The following ADAMTS12 variants were observed in gnomAD, a reference collection of about 807,000 sequenced individuals.
ADAMTS12 encodes A disintegrin and metalloproteinase with thrombospondin motifs 12.
A neutral mutation model predicts 167.8 loss-of-function variants in ADAMTS12; 118 were observed. The ratio of observed to expected loss-of-function variants is 0.70; its 90% CI spans 0.61 to 0.82. ADAMTS12 has a LOEUF of 0.82. Among genes scored for constraint, ADAMTS12 ranks in the 40% least tolerant of loss-of-function variants. ADAMTS12 has a pLI of 0.00. For missense variants in ADAMTS12, 1,916 were observed against 1,998.8 expected (o/e 0.96, Z 0.79); for synonymous variants, 704 against 716.9 (o/e 0.98, Z 0.29).
chr5:33,639,609 C>T (rs1200734696), intron 11 of ADAMTS12, among the ~76,000 whole-genome samples: 2 of 152,156 alleles, frequency 1.3e-5, no homozygotes, highest in African/African-American at 4.8e-5. Flanking sequence ...TAGAACAGCT[C>T]CCCAAAGGAC....
intron 17 of ADAMTS12, among the ~76,000 whole-genome samples, chr5:33,589,479 G>A (rs1747531388): frequency 6.6e-6 from 1 of 151,990 alleles, no homozygotes; most frequent in Non-Finnish European, 1.5e-5. Context: ...GATAAGAAAT[G>A]AGTAGAAAAA....
At chr5:33,700,672 C>G (rs1344151764) in intron 3 of ADAMTS12, among the ~76,000 whole-genome samples, 1 of 152,098 alleles carries the variant, frequency 6.6e-6, no homozygotes, top group African/African-American at 2.4e-5. Flanking sequence ...TAATTACACG[C>G]ACACACACGT....
intron 2 of ADAMTS12, among the ~76,000 whole-genome samples, chr5:33,834,203 C>G (rs1281662788): frequency 6.6e-6 from 1 of 151,962 alleles, no homozygotes; most frequent in East Asian, 1.9e-4. Context: ...TTTAAAGACC[C>G]TATCTTCATA....
rs532301306 is a variant in ADAMTS12 at position 33,643,027 on chromosome 5, A to G, written c.1572+351T>C. 1.4e-3 allele frequency among the ~76,000 whole-genome samples: 207 copies of G among 152,328 alleles called. 2 individuals carry two copies. Among genetic ancestry groups the G allele is most frequent in the African/African-American group, 4.9e-3 (203 of 41,572 alleles). On this transcript the variant is annotated intron_variant, in intron 10 of 23. Transcript: ENST00000504830. ...TTTTGGGAAAAGAAGCCGCTGGCTT[A>G]TCCTTTTCAATCTTCCATATGAGAG...
intron 3 of ADAMTS12, among the ~76,000 whole-genome samples, chr5:33,685,788 A>C (rs1742302754): frequency 6.6e-6 from 1 of 152,162 alleles, no homozygotes; most frequent in Admixed American, 6.5e-5. Flanking sequence ...CTCACTTTGC[A>C]TGGGGAAGCA....
At chr5:33,872,350 C>T (rs1467990160) in intron 2 of ADAMTS12, among the ~76,000 whole-genome samples, 2 of 152,022 alleles carry the variant, frequency 1.3e-5, no homozygotes, top group Admixed American at 1.3e-4. Flanking sequence ...TCGAGACCAG[C>T]CTGGCCAATA....
chr5:33,683,599 T>C (rs1246172867), intron 4 of ADAMTS12, among the ~76,000 whole-genome samples: 2 of 152,290 alleles, frequency 1.3e-5, no homozygotes, highest in Admixed American at 1.3e-4. Context: ...ACGAAAAGGA[T>C]TGAGTCACTT....
At chr5:33,689,907 T>C (rs1448571457) in intron 3 of ADAMTS12, among the ~76,000 whole-genome samples, 3 of 152,218 alleles carry the variant, frequency 2.0e-5, no homozygotes, top group African/African-American at 4.8e-5. Context: ...GCTGGGGTCA[T>C]GGGGTGTGGT....
chr5:33,551,872 T>C (rs1380652396), intron 20 of ADAMTS12, among the ~76,000 whole-genome samples: 2 of 152,236 alleles, frequency 1.3e-5, no homozygotes, highest in Non-Finnish European at 2.9e-5. Flanking sequence ...GCTCTTTTGC[T>C]TTTGTGTGCT....
chr5:33,543,906 T>C (rs1444088714), intron 22 of ADAMTS12, among the ~76,000 whole-genome samples: 7 of 152,170 alleles, frequency 4.6e-5, no homozygotes, highest in South Asian at 2.1e-4. Flanking sequence ...GCCAATATTA[T>C]ACTGAATAGG....
chr5:33,682,356 T>C (rs1316639522), intron 5 of ADAMTS12, among the ~76,000 whole-genome samples: 1 of 152,346 alleles, frequency 6.6e-6, no homozygotes, highest in Admixed American at 6.5e-5. Flanking sequence ...CAAGATTGAA[T>C]GGACTTTGAC....
intron 2 of ADAMTS12, among the ~76,000 whole-genome samples, chr5:33,794,283 C>T (rs1274397875): frequency 2.6e-5 from 4 of 152,170 alleles, no homozygotes; most frequent in Non-Finnish European, 5.9e-5. Flanking sequence ...GTGTCTCTTC[C>T]GGTCCTGCAG....
Position 33,713,566 on chromosome 5 carries a change from T to G in ADAMTS12, c.635-29511A>C, listed in dbSNP as rs538401391. ...CATTTGATTTATATATAGCCTGCTT[T>G]ATTTCACAAAACAACTAATGTGGGT... is the stretch of plus-strand genomic sequence containing the variant. On this transcript the variant is annotated intron_variant, in intron 3 of 23. Coordinates refer to ENST00000504830, the MANE Select transcript of ADAMTS12 (RefSeq NM_030955.4). 2.1e-3 allele frequency among the ~76,000 whole-genome samples: 313 copies of G among 152,234 alleles called. 2 individuals carry two copies. Among genetic ancestry groups the G allele is most frequent in the African/African-American group, 7.1e-3 (294 of 41,544 alleles).
intron 2 of ADAMTS12, among the ~76,000 whole-genome samples, chr5:33,836,323 G>C (rs1363879): frequency 0.17 from 25,880 of 152,002 alleles, 3,354 homozygotes; most frequent in East Asian, 0.54. Context: ...AGGCTCATCA[G>C]GCTGGACGAG....
chr5:33,595,153 T>C (rs1290563955), intron 17 of ADAMTS12, among the ~76,000 whole-genome samples: 2 of 152,154 alleles, frequency 1.3e-5, no homozygotes, highest in East Asian at 3.8e-4. Context: ...ATCTTTTTCC[T>C]TTCTTTTTTT....
chr5:33,828,331 C>G (rs756901300), intron 2 of ADAMTS12, among the ~76,000 whole-genome samples: 1 of 152,126 alleles, frequency 6.6e-6, no homozygotes, highest in Non-Finnish European at 1.5e-5. Context: ...CTTTTGTAAA[C>G]TGCCTTCTCA....
At chr5:33,726,751 T>C (rs1743995786) in intron 3 of ADAMTS12, among the ~76,000 whole-genome samples, 1 of 152,076 alleles carries the variant, frequency 6.6e-6, no homozygotes, top group Non-Finnish European at 1.5e-5. Context: ...CAGTTCAGAC[T>C]TAAGAATTCA....
At chr5:33,659,076 T>C (rs1022710038) in intron 6 of ADAMTS12, among the ~76,000 whole-genome samples, 2 of 152,190 alleles carry the variant, frequency 1.3e-5, no homozygotes, top group African/African-American at 4.8e-5. Flanking sequence ...ATGGCCACAA[T>C]GTTATGAGCT....
At position 33,763,481 on chromosome 5, in the gene ADAMTS12, G is replaced by C. The variant is rs565496547; in HGVS notation, c.490-11933C>G. On this transcript the variant is annotated intron_variant, in intron 2 of 23. Transcript: ENST00000504830. The stretch of plus-strand genomic sequence containing the variant: ...TGGCAACATTTGATTTTTGACTTCT[G>C]ACCCCCAGGATTGGAAGAGAATAAA... Among the ~76,000 whole-genome samples the C allele has an allele frequency of 2.6e-5, 4 of 152,290 alleles. No homozygotes were observed. In the South Asian group the frequency reaches 8.3e-4, roughly 32 times the overall value.
Sources: allele counts gnomAD v4.1 joint callset (sites outside exome capture counted in the v4.1 genomes callset), GRCh38; gene constraint gnomAD v4.1.1; transcripts MANE v1.5; gene names NCBI Gene and HGNC (gene_info 2026-07-23, HGNC 2026-07-21).